The following PHYH variants were observed in gnomAD, a reference collection of about 807,000 sequenced individuals.
PHYH encodes phytanoyl-CoA dioxygenase, peroxisomal.
Under a neutral mutation model 38.5 loss-of-function variants are expected in PHYH, and 32 were observed. The observed-to-expected ratio is 0.83, with a 90% CI of 0.63 to 1.12. The LOEUF is 1.12. Among genes scored for constraint, PHYH ranks in the 50% most tolerant of loss-of-function variants. The pLI is 0.00. For missense variants in PHYH, 426 were observed against 434.8 expected (o/e 0.98, Z 0.18); for synonymous variants, 166 against 157.9 (o/e 1.05, Z -0.38).
intron 1 of PHYH, 130 bp from the exon 2 acceptor site, chr10:13,298,375 T>A (rs10906342): frequency 1.6e-6 from 1 of 626,116 alleles, no homozygotes; most frequent in Admixed American, 2.3e-5. Context: ...GAGACCAGCC[T>A]GGCCAACATG....
intron 7 of PHYH, among the ~76,000 whole-genome samples, chr10:13,281,653 C>T (rs1038348526): frequency 4.6e-5 from 7 of 152,194 alleles, no homozygotes; most frequent in Non-Finnish European, 1.0e-4. Context: ...CCTCTTGCTT[C>T]CTTCTGAGGG....
chr10:13,284,307 G>A (rs1006547380), intron 6 of PHYH, among the ~76,000 whole-genome samples: 3 of 152,250 alleles, frequency 2.0e-5, no homozygotes, highest in Non-Finnish European at 4.4e-5. Flanking sequence ...GGACAACAGA[G>A]CAAGACTCTG....
At chr10:13,286,231 C>T (rs1835545950) in intron 6 of PHYH, among the ~76,000 whole-genome samples, 2 of 152,126 alleles carry the variant, frequency 1.3e-5, no homozygotes, top group Admixed American at 1.3e-4. Flanking sequence ...TTCTTTGCTT[C>T]TAGATGCCTA....
chr10:13,284,972 G>T (rs1178946879), intron 6 of PHYH, among the ~76,000 whole-genome samples: 2 of 152,104 alleles, frequency 1.3e-5, no homozygotes, highest in Non-Finnish European at 2.9e-5. Context: ...TCTGAGCAGG[G>T]TATCTGAGAC....
intron 6 of PHYH, among the ~76,000 whole-genome samples, chr10:13,287,712 G>C (rs1197381346): frequency 6.6e-6 from 1 of 152,174 alleles, no homozygotes; most frequent in African/African-American, 2.4e-5. Context: ...CAGTTGCAAG[G>C]AGACAATCTC....
chr10:13,291,666 G>A (rs1189123642), intron 5 of PHYH, 165 bp downstream of exon 5: 1 of 632,790 alleles, frequency 1.6e-6, no homozygotes, highest in East Asian at 2.8e-5. Flanking sequence ...TATTTTTAGA[G>A]ACAGAGCCTC....
At chr10:13,283,221 TG>T (rs1835458637) in intron 7 of PHYH, among the ~76,000 whole-genome samples, 1 of 141,598 alleles carries the variant, frequency 7.1e-6, no homozygotes, top group African/African-American at 2.7e-5. Flanking sequence ...CTCCACCCCC[TG>T]GGGTTCACGC....
At position 13,278,373 on chromosome 10, in the gene PHYH, A is replaced by G. The variant is rs759602064; in HGVS notation, c.964-19T>C. 5.6e-6 allele frequency: 9 copies of G among 1,596,006 alleles called. No individual in the cohort carries two copies. In the African/African-American group the frequency reaches 1.2e-4, roughly 21 times the overall value. On this transcript the variant is annotated intron_variant, in intron 8 of 8. Coordinates refer to ENST00000263038, the MANE Select transcript of PHYH (RefSeq NM_006214.4). ...AAATATCCTGGAAATAATATCAAACAGAGTGGGTTTATGGAACACTTCAAT... is the reference window on the plus strand; with the variant it reads ...AAATATCCTGGAAATAATATCAAACGGAGTGGGTTTATGGAACACTTCAAT...
In PHYH at chr10:13,298,264, CA is replaced by C; in HGVS notation, c.76-20del. Reference sequence around the variant, plus strand: ...GAGCTACCTAGGATGTGAATTAAGGCAAATAAAGTAAAATATAGAAGGCCAG... The same window carrying C: ...GAGCTACCTAGGATGTGAATTAAGGCAATAAAGTAAAATATAGAAGGCCAG... On this transcript the variant is annotated intron_variant, in intron 1 of 8. Transcript: ENST00000263038. 6.4e-7 allele frequency: 1 copy of C among 1,551,666 alleles called. No homozygotes were observed. Among genetic ancestry groups the C allele is most frequent in the Non-Finnish European group, 8.9e-7 (1 of 1,123,646 alleles).
At chr10:13,293,136 A>T (rs752137598) in intron 4 of PHYH, among the ~76,000 whole-genome samples, 5 of 152,038 alleles carry the variant, frequency 3.3e-5, no homozygotes, top group Non-Finnish European at 7.4e-5. Context: ...TCAGGCACAC[A>T]CTTGCTTTTT....
intron 1 of PHYH, among the ~76,000 whole-genome samples, chr10:13,298,783 A>ACTACTAC (rs1564430887): frequency 1.8e-5 from 2 of 111,628 alleles, no homozygotes; most frequent in African/African-American, 3.3e-5. Context: ...ACTACTACTA[A>ACTACTAC]TAATAATAAT....
chr10:13,287,387 T>C (rs550117491), intron 6 of PHYH, among the ~76,000 whole-genome samples: 1 of 152,092 alleles, frequency 6.6e-6, no homozygotes, highest in Admixed American at 6.6e-5. Flanking sequence ...TCTTCGATCT[T>C]CCTAAAAGTT....
At chr10:13,298,081 T>C (rs1832612997) in intron 2 of PHYH, 106 bp downstream of exon 2, 5 of 750,310 alleles carry the variant, frequency 6.7e-6, no homozygotes, top group Non-Finnish European at 1.2e-5. Context: ...AGGATTTGTA[T>C]AATAAAATTC....
rs928598889 is a variant in PHYH, at chr10:13,278,366, A to G, written c.964-12T>C. ...AACATCCAAATATCCTGGAAATAAT[A>G]TCAAACAGAGTGGGTTTATGGAACA... is the stretch of plus-strand genomic sequence containing the variant. On this transcript the variant is annotated splice_polypyrimidine_tract_variant and intron_variant, in intron 8 of 8. Transcript: ENST00000263038. The G allele has an allele frequency of 1.8e-5, 29 of 1,603,490 alleles. No individual in the cohort carries two copies. The highest frequency in any genetic ancestry group is 2.4e-5 in the Non-Finnish European group (28 of 1,170,356).
At chr10:13,294,745 G>C (rs570564985) in intron 3 of PHYH, 149 bp from the exon 4 acceptor site, 8 of 689,424 alleles carry the variant, frequency 1.2e-5, no homozygotes, top group South Asian at 9.4e-5. Context: ...CCAATGAAAG[G>C]GAGGAGAAAC....
At chr10:13,298,961 TAATAAC>T (rs1564431190) in intron 1 of PHYH, among the ~76,000 whole-genome samples, 19 of 61,346 alleles carry the variant, frequency 3.1e-4, no homozygotes, top group African/African-American at 5.3e-4. Context: ...ATAATAATAA[TAATAAC>T]AACAATAACA....
intron 1 of PHYH, among the ~76,000 whole-genome samples, chr10:13,298,786 A>C (rs2783650): frequency 0.14 from 17,029 of 125,780 alleles, 1,033 homozygotes; most frequent in African/African-American, 0.15. Context: ...ACTACTAATA[A>C]TAATAATACA....
At chr10:13,296,822 T>G (rs1233668994) in intron 2 of PHYH, among the ~76,000 whole-genome samples, 4 of 151,394 alleles carry the variant, frequency 2.6e-5, no homozygotes, top group African/African-American at 7.3e-5. Context: ...CGGCATGGTG[T>G]CTGGCGCCTG....
chr10:13,283,424 C>T (rs369572744), intron 7 of PHYH, among the ~76,000 whole-genome samples: 32 of 152,148 alleles, frequency 2.1e-4, no homozygotes, highest in East Asian at 1.5e-3. Context: ...CCACCGCGCC[C>T]GGCCCATAAT....
Sources: gnomAD v4.1 joint callset for allele counts (sites outside exome capture counted in the v4.1 genomes callset) on GRCh38, gnomAD v4.1.1 for gene constraint, MANE v1.5 for transcripts, NCBI Gene and HGNC (gene_info 2026-07-23, HGNC 2026-07-21) for gene names.